Variants in APC observed in about 807,000 individuals in gnomAD.
APC encodes adenomatous polyposis coli protein.
In APC, 72 loss-of-function variants were observed where a neutral mutation model predicts 247.0. The ratio of observed to expected loss-of-function variants is 0.29; its 90% CI spans 0.24 to 0.35. APC has a LOEUF of 0.35. Among genes scored for constraint, APC ranks in the 10% least tolerant of loss-of-function variants. APC has a pLI of 1.00. For missense variants in APC, 3,400 were observed against 3,360.7 expected, an observed-to-expected ratio of 1.01 and a Z score of -0.29; for synonymous variants, 1,254 against 1,162.5, an observed-to-expected ratio of 1.08 and a Z score of -1.60.
intron 2 of APC, among the ~76,000 whole-genome samples, chr5:112,758,429 C>T (rs1160277601): frequency 7.9e-5 from 12 of 152,292 alleles, no homozygotes; most frequent in South Asian, 6.2e-4. Context: ...CGGGTTCAAG[C>T]GGTTCTCCTG....
Position 112,835,157 on chromosome 5 carries a change from G to A in APC, c.1950G>A (p.Glu650=), listed in dbSNP as rs1416247275. 1 of 1,613,104 alleles carries A rather than the reference G, an allele frequency of 6.2e-7. No homozygotes were observed. The highest frequency in any genetic ancestry group is 1.7e-5 in the Admixed American group (1 of 59,976). ...TGTCCAGCTTGATAGCTACAAATGA[G>A]GACCACAGGTATATATAGAGTTTTA... The part of the protein sequence containing the change: ...RNVSSLIATN[E]DHRQILRENN... Residue 650 remains glutamate (E), a synonymous_variant, in exon 15 of 16, where the codon GAG becomes GAA. Coordinates refer to ENST00000257430, the MANE Select transcript of APC (RefSeq NM_000038.6).
intron 8 of APC, among the ~76,000 whole-genome samples, chr5:112,804,470 C>T (rs2149722247): frequency 6.6e-6 from 1 of 152,246 alleles, no homozygotes; most frequent in Admixed American, 6.5e-5. Flanking sequence ...ATAACCTCCA[C>T]CTCCTAGGTT....
At chr5:112,835,685 A>G (rs1041602775) in intron 15 of APC, among the ~76,000 whole-genome samples, 4 of 148,914 alleles carry the variant, frequency 2.7e-5, no homozygotes, top group African/African-American at 1.0e-4. Flanking sequence ...CGATTCTCCC[A>G]CCTCAGCTTC....
In APC at chr5:112,713,801, GC is replaced by G. The variant is rs1182245465; in HGVS notation, c.165+5920del. On this transcript the variant is annotated intron_variant, in intron 1 of 13. Coordinates refer to the APC transcript ENST00000507379. ...CCTGCCTCAGCCTCCCAAGTAGCTG[GC>G]GCCTGCCACCACACCCAGCTAATTT... Among the ~76,000 whole-genome samples, 34 of 152,236 alleles carry G rather than the reference GC, an allele frequency of 2.2e-4. No individual in the cohort carries two copies. The South Asian group carries it at 6.6e-3, about 30-fold the overall frequency.
chr5:112,750,514 A>G (rs925084573), intron 1 of APC, among the ~76,000 whole-genome samples: 4 of 150,838 alleles, frequency 2.7e-5, no homozygotes, highest in African/African-American at 9.7e-5. Context: ...TTTTTCATCA[A>G]CCTCATTTTT....
intron 10 of APC, 149 bp downstream of exon 10, chr5:112,819,493 T>G (rs1762895573): frequency 9.1e-7 from 1 of 1,104,952 alleles, no homozygotes. Flanking sequence ...TTTAAAAGAT[T>G]AAGTCTGTAT....
chr5:112,760,717 A>G (rs918344910), intron 2 of APC, among the ~76,000 whole-genome samples: 24 of 152,192 alleles, frequency 1.6e-4, no homozygotes, highest in African/African-American at 5.6e-4. Context: ...GAGAACTTTC[A>G]TATTTTCTAT....
intron 11 of APC, among the ~76,000 whole-genome samples, chr5:112,824,132 G>A (rs1238174861): frequency 6.6e-6 from 1 of 152,210 alleles, no homozygotes; most frequent in East Asian, 1.9e-4. Flanking sequence ...ACCTGAGTCT[G>A]TTGGTGCTCT....
rs876660059 is a variant in APC, at chr5:112,840,996, C to T, written c.5402C>T (p.Ala1801Val). 1.9e-6 allele frequency: 3 copies of T among 1,612,006 alleles called. No individual in the cohort carries two copies. Among genetic ancestry groups the T allele is most frequent in the Non-Finnish European group, 2.5e-6 (3 of 1,178,356 alleles). The stretch of plus-strand genomic sequence containing the variant: ...GCAGACTCAAAAAATAATTTAAATG[C>T]TGAGAGAGTTTTCTCAGACAACAAA... ...KNADSKNNLN[A>V]ERVFSDNKDS... Residue 1801 changes from alanine (A) to valine (V), a missense_variant, in exon 16 of 16, where the codon GCT becomes GTT. By Grantham distance (64) the Ala-to-Val change is moderately conservative. Coordinates refer to ENST00000257430, the MANE Select transcript of APC (RefSeq NM_000038.6). The surrounding 1 kb of genome is among the most constrained non-coding windows in gnomAD (Gnocchi z 4.1).
At chr5:112,804,234 C>G (rs1761131586) in intron 8 of APC, among the ~76,000 whole-genome samples, 1 of 152,214 alleles carries the variant, frequency 6.6e-6, no homozygotes, top group Non-Finnish European at 1.5e-5. Context: ...TCTCATAGTG[C>G]TTAGCACAAT....
chr5:112,811,464 A>G (rs754404408), intron 8 of APC, among the ~76,000 whole-genome samples: 4 of 152,216 alleles, frequency 2.6e-5, no homozygotes, highest in Non-Finnish European at 4.4e-5. Context: ...AAAACGCCCA[A>G]GAAAGACTCT....
chr5:112,769,278 T>C (rs1235780091), intron 4 of APC, among the ~76,000 whole-genome samples: 1 of 152,112 alleles, frequency 6.6e-6, no homozygotes, highest in African/African-American at 2.4e-5. Context: ...CTCGATCTCC[T>C]GACCTCAGGT....
At chr5:112,761,878 A>G (rs1053990931) in intron 2 of APC, among the ~76,000 whole-genome samples, 2 of 152,238 alleles carry the variant, frequency 1.3e-5, no homozygotes, top group African/African-American at 2.4e-5. Flanking sequence ...ATAAAAATGT[A>G]TAAGATAAAC....
At chr5:112,808,679 G>A (rs1019639673) in intron 8 of APC, among the ~76,000 whole-genome samples, 2 of 152,002 alleles carry the variant, frequency 1.3e-5, no homozygotes, top group Non-Finnish European at 2.9e-5. Context: ...TGAGTTGCTG[G>A]GATTACAGGT....
rs878853475 is a variant in APC at position 112,843,900 on chromosome 5, A to G, written c.8306A>G (p.Lys2769Arg). The G allele has an allele frequency of 6.2e-7, 1 of 1,613,974 alleles. No homozygotes were observed. The highest frequency in any genetic ancestry group is 8.5e-7 in the Non-Finnish European group (1 of 1,179,896). ...CCATTCAGTTCTAGCAGCTCAAGCAAACACAGTTCACCTAGTGGGACTGTT... is the reference window on the plus strand; with the variant it reads ...CCATTCAGTTCTAGCAGCTCAAGCAGACACAGTTCACCTAGTGGGACTGTT... ...RTPFSSSSSS[K>R]HSSPSGTVAA... Residue 2769 changes from lysine to arginine, a missense_variant, in exon 16 of 16, where the codon AAA becomes AGA. Lys to Arg is a conservative substitution (Grantham distance 26, BLOSUM62 2). Coordinates refer to ENST00000257430, the MANE Select transcript of APC (RefSeq NM_000038.6). This position sits in a 1 kb window ranked among gnomAD's most constrained non-coding sequence, Gnocchi z 4.8.
At chr5:112,734,029 C>G (rs371142248), upstream of APC, among the ~76,000 whole-genome samples, 3 of 152,172 alleles carry the variant, frequency 2.0e-5, no homozygotes, top group African/African-American at 7.2e-5. Flanking sequence ...CCGTAGAAGA[C>G]TATGAATATA....
At chr5:112,729,715 T>C (rs946026559) in intron 1 of APC, among the ~76,000 whole-genome samples, 13 of 152,384 alleles carry the variant, frequency 8.5e-5, no homozygotes, top group Admixed American at 2.0e-4. Context: ...TAAGGTCAGC[T>C]AACTAATAAA....
At chr5:112,810,640 A>C (rs189059357) in intron 8 of APC, among the ~76,000 whole-genome samples, 46 of 152,054 alleles carry the variant, frequency 3.0e-4, no homozygotes, top group African/African-American at 1.1e-3. Context: ...GAAAACAGAC[A>C]GTTGGATTCA....
At chr5:112,774,464 A>ATTT (rs35554771) in intron 4 of APC, among the ~76,000 whole-genome samples, 2,687 of 121,174 alleles carry the variant, frequency 0.022, 72 homozygotes, top group East Asian at 0.044. Flanking sequence ...TGCAAGATCG[A>ATTT]TTTTTTTTTT....
Sources: gnomAD v4.1 joint callset for allele counts (sites outside exome capture counted in the v4.1 genomes callset) on GRCh38, gnomAD v4.1.1 for gene constraint, Gnocchi (gnomAD v3.1) non-coding constraint, MANE v1.5 for transcripts, NCBI Gene and HGNC (gene_info 2026-07-23, HGNC 2026-07-21) for gene names.